Variants in WSCD1 observed in about 807,000 individuals in gnomAD.
The protein encoded by WSCD1 is WSC domain sialate O sulfotransferase 1, also known as sialate:O-sulfotransferase 1.
Under a neutral mutation model 60.4 loss-of-function variants are expected in WSCD1, and 41 were observed. The ratio of observed to expected loss-of-function variants is 0.68; its 90% CI spans 0.53 to 0.88. WSCD1 has a LOEUF of 0.88. Ranked by LOEUF, WSCD1 falls within the 40% of genes least tolerant of loss-of-function variation. WSCD1 has a pLI of 0.00. For missense variants in WSCD1, 784 were observed against 796.2 expected, an observed-to-expected ratio of 0.98 and a Z score of 0.18; for synonymous variants, 361 against 332.5, an observed-to-expected ratio of 1.09 and a Z score of -0.93.
At chr17:6,092,905 G>GC (rs34490144) in intron 4 of WSCD1, among the ~76,000 whole-genome samples, 1,551 of 152,276 alleles carry the variant, frequency 0.01, 12 homozygotes, top group Middle Eastern at 0.037. Context: ...AGGCTGTGGA[G>GC]CCCCCCGTGA....
At chr17:6,074,180 C>A (rs1270878464) in intron 1 of WSCD1, among the ~76,000 whole-genome samples, 1 of 152,138 alleles carries the variant, frequency 6.6e-6, no homozygotes, top group Non-Finnish European at 1.5e-5. Flanking sequence ...ACCCTTTTAG[C>A]AACATATTAA....
chr17:6,083,418 A>AGCACGACCGAGGTCTGCTAGAG (rs1909406418), intron 2 of WSCD1, among the ~76,000 whole-genome samples: 1 of 152,174 alleles, frequency 6.6e-6, no homozygotes, highest in African/African-American at 2.4e-5. Context: ...ATTTCTACAA[A>AGCACGACCGAGGTCTGCTAGAG]GCACGACCGA....
intron 4 of WSCD1, among the ~76,000 whole-genome samples, chr17:6,093,017 G>A (rs1044569469): frequency 2.0e-5 from 3 of 152,224 alleles, no homozygotes; most frequent in African/African-American, 7.2e-5. Context: ...GCTTCTGCCA[G>A]CAAGGAGCAT....
rs7216270 is a variant in WSCD1 at position 6,101,539 on chromosome 17, G to A, written c.849+6316G>A. 3.2e-3 allele frequency among the ~76,000 whole-genome samples: 484 copies of A among 152,216 alleles called. 1 individual carries two copies. The highest frequency in any genetic ancestry group is 0.01 in the African/African-American group (424 of 41,552). Reference sequence around the variant, plus strand: ...AAATGTCTACTGTTTTTGCTAGTTCGCGAAAATGGATTTGGGGAGATCCAA... The same window carrying A: ...AAATGTCTACTGTTTTTGCTAGTTCACGAAAATGGATTTGGGGAGATCCAA... On this transcript the variant is annotated intron_variant, in intron 5 of 8. Coordinates refer to ENST00000317744, the MANE Select transcript of WSCD1 (RefSeq NM_015253.2). The surrounding 1 kb of genome is among the most constrained non-coding windows in gnomAD (Gnocchi z 4.1).
In WSCD1 at chr17:6,124,185, A is replaced by T. The variant is rs2093934065; in HGVS notation, c.*3524A>T. 1 of 152,150 alleles carries T rather than the reference A, an allele frequency of 6.6e-6. No homozygotes were observed. Among genetic ancestry groups the T allele is most frequent in the South Asian group, 2.1e-4 (1 of 4,826 alleles). 9.4% of individuals were successfully genotyped at this position (152,150 alleles called of 1,614,324 possible). A position where few individuals can be genotyped will look rare whatever the true frequency, so the allele number is the denominator to read the frequency against. ...GGAATGCTGGGTAGAAGCTGTTTTAATTCCCCTGTTGAATGTGAAAAAGGT... is the reference window on the plus strand; with the variant it reads ...GGAATGCTGGGTAGAAGCTGTTTTATTTCCCCTGTTGAATGTGAAAAAGGT... On this transcript the variant is annotated 3_prime_UTR_variant, in exon 9 of 9. Transcript: ENST00000317744.
chr17:6,079,754 G>A (rs1358637211), intron 1 of WSCD1, among the ~76,000 whole-genome samples: 9 of 152,192 alleles, frequency 5.9e-5, no homozygotes, highest in Non-Finnish European at 1.2e-4. Flanking sequence ...CATATATCAA[G>A]CATCTGCAAC....
intron 7 of WSCD1, among the ~76,000 whole-genome samples, chr17:6,114,711 A>T (rs1911601836): frequency 6.6e-6 from 1 of 152,056 alleles, no homozygotes; most frequent in Non-Finnish European, 1.5e-5. Context: ...TCTGGGATGC[A>T]TGTGCAGAAT....
intron 5 of WSCD1, among the ~76,000 whole-genome samples, chr17:6,109,402 C>T (rs565986555): frequency 6.6e-6 from 1 of 152,334 alleles, no homozygotes; most frequent in East Asian, 1.9e-4. Context: ...GCTACTTGAG[C>T]TGCTTGAAGC....
Position 6,075,444 on chromosome 17 carries a change from G to C in WSCD1, c.-289+4792G>C, listed in dbSNP as rs561957280. ...CCTCAGTCTCTGGACCCCTAGCCTG[G>C]CTGAGAAGTGGCCACCTGACCAGCC... On this transcript the variant is annotated intron_variant, in intron 1 of 8. Transcript: ENST00000317744. The surrounding 1 kb of genome is among the most constrained non-coding windows in gnomAD (Gnocchi z 4.1). Among the ~76,000 whole-genome samples, 1 of 152,156 alleles carries C rather than the reference G, an allele frequency of 6.6e-6. No individual in the cohort carries two copies. The highest frequency in any genetic ancestry group is 1.9e-4 in the East Asian group (1 of 5,170).
chr17:6,069,128 C>T (rs918845968), upstream of WSCD1: 26 of 397,618 alleles, frequency 6.5e-5, no homozygotes, highest in East Asian at 9.3e-4. Context: ...TTTAGGAAGA[C>T]GGAGTAAGAG....
At chr17:6,093,876 G>A (rs1409267236) in intron 4 of WSCD1, among the ~76,000 whole-genome samples, 1 of 152,202 alleles carries the variant, frequency 6.6e-6, no homozygotes, top group Non-Finnish European at 1.5e-5. Flanking sequence ...CCTAAGCCCT[G>A]GTGTTTTCCC....
chr17:6,087,157 T>C (rs1247278592), intron 2 of WSCD1, among the ~76,000 whole-genome samples: 2 of 152,154 alleles, frequency 1.3e-5, no homozygotes, highest in Non-Finnish European at 2.9e-5. Flanking sequence ...GCGCGTGACA[T>C]TTACATGCCT....
chr17:6,081,369 AT>A (rs527253157), intron 2 of WSCD1, among the ~76,000 whole-genome samples: 494 of 147,990 alleles, frequency 3.3e-3, no homozygotes, highest in African/African-American at 0.011. Flanking sequence ...CTGGCCAACA[AT>A]TTTTTTTTTT....
At chr17:6,099,779 A>T (rs1165880695) in intron 5 of WSCD1, among the ~76,000 whole-genome samples, 1 of 152,154 alleles carries the variant, frequency 6.6e-6, no homozygotes, top group East Asian at 1.9e-4. Flanking sequence ...GCATCCCAAT[A>T]TAAGCAGCCA....
rs188205676 is a variant in WSCD1 at position 6,080,517 on chromosome 17, C to T, written c.-142C>T. 2.3e-4 allele frequency: 183 copies of T among 812,446 alleles called. No individual in the cohort carries two copies. Among genetic ancestry groups the T allele is most frequent in the Non-Finnish European group, 3.4e-4 (172 of 510,796 alleles). The allele number at this position is 812,446 out of a possible 1,614,324, so 50.3% of individuals were successfully genotyped here. On this transcript the variant is annotated 5_prime_UTR_variant, in exon 2 of 9. The change creates a premature stop within an existing upstream ORF in the 5' untranslated region. Transcript: ENST00000317744. The surrounding 1 kb of genome is among the most constrained non-coding windows in gnomAD (Gnocchi z 6.6). ...ACACCTACTGGAAACGGGGCAGGAA[C>T]AGTGAGTGACCCCAGGCGAGCACAG...
intron 5 of WSCD1, among the ~76,000 whole-genome samples, chr17:6,107,609 G>A (rs1216622514): frequency 6.6e-6 from 1 of 152,180 alleles, no homozygotes; most frequent in Non-Finnish European, 1.5e-5. Context: ...TCAGCCCATA[G>A]CAGCCAGCAT....
intron 8 of WSCD1, among the ~76,000 whole-genome samples, chr17:6,119,526 T>C (rs1440729222): frequency 6.6e-6 from 1 of 152,238 alleles, no homozygotes; most frequent in Non-Finnish European, 1.5e-5. Context: ...CTTGTGCTCC[T>C]GTCCACTTGT....
intron 5 of WSCD1, among the ~76,000 whole-genome samples, chr17:6,105,442 A>G (rs1911034215): frequency 6.6e-6 from 1 of 152,068 alleles, no homozygotes; most frequent in Admixed American, 6.6e-5. Context: ...AGCATAGGGT[A>G]GGGTGCGAGA....
At chr17:6,089,123 AG>A (rs1909857921) in intron 3 of WSCD1, among the ~76,000 whole-genome samples, 1 of 152,234 alleles carries the variant, frequency 6.6e-6, no homozygotes, top group Admixed American at 6.5e-5. Context: ...ATAGTCAGCC[AG>A]GTAGCAATTA....
Sources: allele counts gnomAD v4.1 joint callset (sites outside exome capture counted in the v4.1 genomes callset), GRCh38; gene constraint gnomAD v4.1.1; non-coding constraint Gnocchi (gnomAD v3.1); transcripts MANE v1.5; gene names NCBI Gene and HGNC (gene_info 2026-07-23, HGNC 2026-07-21).